The following ANXA2 variants were observed in gnomAD, a reference collection of about 807,000 sequenced individuals.
ANXA2 encodes annexin II.
A neutral mutation model predicts 47.3 loss-of-function variants in ANXA2; 28 were observed. The ratio of observed to expected loss-of-function variants is 0.59; its 90% CI spans 0.44 to 0.81. The LOEUF (loss-of-function observed/expected upper bound fraction) is 0.81. Among genes scored for constraint, ANXA2 ranks in the 40% least tolerant of loss-of-function variants. The pLI, the probability that ANXA2 is intolerant of heterozygous loss-of-function variation, is 0.00. For synonymous variants in ANXA2, 172 were observed against 155.5 expected (o/e 1.11, Z -0.79); for missense variants, 384 against 414.3 (o/e 0.93, Z 0.64).
At chr15:60,350,463 G>A (rs150181627) in intron 11 of ANXA2, among the ~76,000 whole-genome samples, 1 of 152,294 alleles carries the variant, frequency 6.6e-6, no homozygotes, top group African/African-American at 2.4e-5. Context: ...AGACCACTGA[G>A]TTTACTTCCA....
rs2062729436 is a variant in ANXA2 at position 60,372,909 on chromosome 15, C to T, written c.149-8386G>A. ...TGAGGTCTCCCTTTGTTGCCCAGGC[C>T]CTCCCAAAGTGCTGGGATTACAGAC... On this transcript the variant is annotated intron_variant, in intron 3 of 12. Transcript: ENST00000451270. Among the ~76,000 whole-genome samples, 6 of 151,940 alleles carry T rather than the reference C, an allele frequency of 3.9e-5. No individual in the cohort carries two copies. The South Asian group carries it at 1.2e-3, about 32-fold the overall frequency.
intron 3 of ANXA2, among the ~76,000 whole-genome samples, chr15:60,377,219 AT>A (rs1269661980): frequency 6.6e-6 from 1 of 152,244 alleles, no homozygotes; most frequent in African/African-American, 2.4e-5. Context: ...TAATTAGCTC[AT>A]TTTTAAGTGG....
intron 1 of ANXA2, among the ~76,000 whole-genome samples, chr15:60,391,890 C>G (rs2063016080): frequency 1.6e-5 from 1 of 62,050 alleles, no homozygotes; most frequent in African/African-American, 4.5e-5. Context: ...TTTCAACTCT[C>G]CAACAAGAAA....
At chr15:60,367,365 C>T (rs1224302987) in intron 3 of ANXA2, among the ~76,000 whole-genome samples, 10 of 95,128 alleles carry the variant, frequency 1.1e-4, no homozygotes, top group South Asian at 4.0e-4. Context: ...CCCCTCTGCC[C>T]GGCCAGCCGC....
chr15:60,352,381 A>G lies in ANXA2; in HGVS notation c.682+2T>C. ...CTGAGACTCCCTCAGCACAGTGCCC[A>G]CCTTTCTGGAGGTGGGGCACGCTCC... On this transcript the variant is annotated splice_donor_variant, in intron 9 of 12. Transcript: ENST00000451270. LOFTEE classifies it high-confidence loss of function. The surrounding 1 kb of genome is among the most constrained non-coding windows in gnomAD (Gnocchi z 4.2). 6.2e-7 allele frequency: 1 copy of G among 1,611,500 alleles called. No individual in the cohort carries two copies. Among genetic ancestry groups the G allele is most frequent in the Non-Finnish European group, 8.5e-7 (1 of 1,177,870 alleles).
intron 1 of ANXA2, 143 bp from the exon 2 acceptor site, chr15:60,386,229 C>T (rs770538145): frequency 1.1e-4 from 69 of 623,916 alleles, no homozygotes; most frequent in Non-Finnish European, 1.8e-4. Flanking sequence ...ATGCAATTCC[C>T]ATCTTACGAC....
rs2062386884 is a variant in ANXA2, at chr15:60,354,006, GAC to G, written c.588+146_588+147del. ...TGGGCTAATCTACTCCTCAATTCCT[GAC>G]ACACAGAAACTGAGAAATAATACAT... On this transcript the variant is annotated intron_variant, in intron 8 of 12. Coordinates refer to ENST00000451270, the MANE Select transcript of ANXA2 (RefSeq NM_004039.3). The G allele has an allele frequency of 4.9e-6, 3 of 617,014 alleles. No homozygotes were observed. In the East Asian group the frequency reaches 8.6e-5, roughly 18 times the overall value. 38.2% of individuals were successfully genotyped at this position (617,014 alleles called of 1,614,324 possible). A position where few individuals can be genotyped will look rare whatever the true frequency, so the allele number is the denominator to read the frequency against.
intron 3 of ANXA2, chr15:60,374,488 A>T (rs1286638161): frequency 4.4e-6 from 2 of 455,964 alleles, no homozygotes; most frequent in Non-Finnish European, 8.8e-6. Flanking sequence ...TGCTGACACC[A>T]GATTAGAATC....
rs1208023216 is a variant in ANXA2, at chr15:60,352,502, G to A, written c.589-26C>T. On this transcript the variant is annotated intron_variant, in intron 8 of 12. Transcript: ENST00000451270. The surrounding 1 kb of genome is among the most constrained non-coding windows in gnomAD (Gnocchi z 4.2). ...CTACGAGTACAACCAACCAGGAAAA[G>A]TTAACTACACATCCAATGTAACGTC... 2 of 1,522,902 alleles carry A rather than the reference G, an allele frequency of 1.3e-6. No homozygotes were observed. The highest frequency in any genetic ancestry group is 1.4e-5 in the African/African-American group (1 of 72,786). 94.3% of individuals were successfully genotyped at this position (1,522,902 alleles called of 1,614,324 possible). A position where few individuals can be genotyped will look rare whatever the true frequency, so the allele number is the denominator to read the frequency against.
intron 7 of ANXA2, 85 bp from the exon 8 acceptor site, chr15:60,354,298 C>T: frequency 9.1e-7 from 1 of 1,099,628 alleles, no homozygotes; most frequent in South Asian, 1.5e-5. Context: ...CCATGTACGC[C>T]ATTATTTAAT....
chr15:60,397,246 G>A, intron 1 of ANXA2: 1 of 982,102 alleles, frequency 1.0e-6, no homozygotes. Context: ...ACAGAATCAT[G>A]GGGGACACTA....
chr15:60,364,482 T>C lies in ANXA2; in HGVS notation c.190A>G (p.Ser64Gly), dbSNP rs1166215007. The change falls in exon 4 of 13, where the codon AGC becomes GGC. Residue 64 changes from serine to glycine, a missense_variant. Transcript: ENST00000451270. ...GCAATATCCTGTCTCTGTGCATTGC[T>C]GCGGTTGGTCAAAATGTTGACAATG... The part of the protein sequence containing the change: ...VTIVNILTNR[S>G]NAQRQDIAFA... 1 of 1,613,342 alleles carries C rather than the reference T, an allele frequency of 6.2e-7. No homozygotes were observed.
At chr15:60,397,272 T>A (rs899166280) in intron 1 of ANXA2, 2 of 985,330 alleles carry the variant, frequency 2.0e-6, no homozygotes, top group South Asian at 4.7e-5. Flanking sequence ...CTGAGGCCAA[T>A]GTGTTCAACC....
intron 3 of ANXA2, among the ~76,000 whole-genome samples, chr15:60,380,645 A>G (rs980311564): frequency 1.3e-5 from 2 of 151,654 alleles, no homozygotes; most frequent in African/African-American, 4.8e-5. Flanking sequence ...TCTCTACTAA[A>G]AACAGAAAAT....
chr15:60,366,554 G>A, intron 3 of ANXA2, among the ~76,000 whole-genome samples: 1 of 150,610 alleles, frequency 6.6e-6, no homozygotes, highest in South Asian at 2.1e-4. Context: ...GAGAAGTGAG[G>A]AAACCCTCTG....
At chr15:60,382,289 C>G in intron 3 of ANXA2, 53 bp downstream of exon 3, 1 of 1,421,918 alleles carries the variant, frequency 7.0e-7, no homozygotes, top group Non-Finnish European at 9.9e-7. Context: ...AAAGAGACAA[C>G]CAAAAATGTC....
At chr15:60,355,443 G>A in intron 7 of ANXA2, 2 of 237,230 alleles carry the variant, frequency 8.4e-6, no homozygotes, top group South Asian at 1.1e-4. Context: ...ATTCACAGGG[G>A]AAATGCCCCT....
intron 3 of ANXA2, among the ~76,000 whole-genome samples, chr15:60,380,972 G>A (rs752416198): frequency 1.3e-5 from 2 of 151,976 alleles, no homozygotes; most frequent in African/African-American, 4.8e-5. Context: ...CATCTTGTTA[G>A]AACCATAGAA....
chr15:60,396,508 T>A (rs929366950), intron 1 of ANXA2: 1 of 152,208 alleles, frequency 6.6e-6, no homozygotes, highest in African/African-American at 2.4e-5. Flanking sequence ...TTACTCAGTG[T>A]CAACCTTAAA....
Sources: allele counts gnomAD v4.1 joint callset (sites outside exome capture counted in the v4.1 genomes callset), GRCh38; gene constraint gnomAD v4.1.1; non-coding constraint Gnocchi (gnomAD v3.1); transcripts MANE v1.5; gene names NCBI Gene and HGNC (gene_info 2026-07-23, HGNC 2026-07-21).